EPB41L5: variants seen among roughly 807,000 people sequenced by gnomAD.
The protein encoded by EPB41L5 is erythrocyte membrane protein band 4.1 like 5, also known as band 4.1-like protein 5.
EPB41L5 carries 55 observed loss-of-function variants against 106.6 expected under a neutral mutation model. The ratio of observed to expected loss-of-function variants is 0.52; its 90% CI spans 0.42 to 0.65. The LOEUF (loss-of-function observed/expected upper bound fraction) is 0.65, where lower values mean the gene tolerates loss of function less well. Ranked by LOEUF, EPB41L5 falls within the 30% of genes least tolerant of loss-of-function variation. The probability of loss-of-function intolerance (pLI) is 0.00; values close to 1 mark genes in which losing one functional copy is unlikely to be tolerated. For missense variants in EPB41L5, 871 were observed against 882.1 expected, an observed-to-expected ratio of 0.99 and a Z score of 0.16; for synonymous variants, 297 against 306.7, an observed-to-expected ratio of 0.97 and a Z score of 0.33.
chr2:120,165,403 A>G (rs1687348997), intron 22 of EPB41L5, among the ~76,000 whole-genome samples: 1 of 152,216 alleles, frequency 6.6e-6, no homozygotes, highest in African/African-American at 2.4e-5. Context: ...GTTTGCATAT[A>G]ACCTACACAT....
chr2:120,077,838 GA>G (rs1682356355), intron 9 of EPB41L5, among the ~76,000 whole-genome samples: 1 of 152,156 alleles, frequency 6.6e-6, no homozygotes, highest in African/African-American at 2.4e-5. Context: ...AATTTATAAA[GA>G]GGTTCAATTG....
intron 24 of EPB41L5, among the ~76,000 whole-genome samples, chr2:120,169,653 C>A (rs936219203): frequency 6.6e-6 from 1 of 152,176 alleles, no homozygotes; most frequent in Non-Finnish European, 1.5e-5. Context: ...TCAGTCTTAA[C>A]TTTGTATGGC....
chr2:120,113,291 G>A (rs1684803012), intron 16 of EPB41L5, among the ~76,000 whole-genome samples: 1 of 152,194 alleles, frequency 6.6e-6, no homozygotes, highest in South Asian at 2.1e-4. Context: ...CAGGCTTTCA[G>A]AAAATGGGAG....
chr2:120,138,166 A>C (rs1397317211), intron 18 of EPB41L5, among the ~76,000 whole-genome samples: 1 of 151,944 alleles, frequency 6.6e-6, no homozygotes, highest in African/African-American at 2.4e-5. Flanking sequence ...TCCCTTTGTG[A>C]TTAAGAAAAA....
In EPB41L5 at chr2:120,091,676, T is replaced by C. The variant is rs1431059348; in HGVS notation, c.1150+15T>C. On this transcript the variant is annotated intron_variant, in intron 13 of 24. Coordinates refer to ENST00000263713, the MANE Select transcript of EPB41L5 (RefSeq NM_020909.4). ...ACAAATGAAAGGTGAAGTGCAACCC[T>C]CTTTCAAAGGATTATTTTTCCTTGG... 1 of 1,574,272 alleles carries C rather than the reference T, an allele frequency of 6.4e-7. No homozygotes were observed. The highest frequency in any genetic ancestry group is 1.7e-5 in the Admixed American group (1 of 58,236).
At chr2:120,106,997 C>CT (rs1047425017) in intron 16 of EPB41L5, 48,649 of 647,012 alleles carry the variant, frequency 0.075, 1 homozygote, top group Non-Finnish European at 0.085. Flanking sequence ...TTCAAATCAT[C>CT]TTTTTTTTTT....
In EPB41L5 at chr2:120,131,622, A is replaced by G; in HGVS notation, c.1506A>G (p.Leu502=). Residue 502 remains leucine, a synonymous_variant, in exon 18 of 25, where the codon TTA becomes TTG. Coordinates refer to ENST00000263713, the MANE Select transcript of EPB41L5 (RefSeq NM_020909.4). The stretch of plus-strand genomic sequence containing the variant: ...GCCTTTTTTTTTTCTTTTCAGCATT[A>G]AAAGACACCTCAGAGAAGCTCAAAC... The part of the protein sequence containing the change: ...LGEPEVEYET[L]KDTSEKLKQL... The G allele has an allele frequency of 1.9e-6, 3 of 1,611,886 alleles. No homozygotes were observed. Among genetic ancestry groups the G allele is most frequent in the Non-Finnish European group, 2.5e-6 (3 of 1,178,672 alleles).
At chr2:120,036,894 T>TCTCCTACTTTTGAGG (rs1272606487) in intron 2 of EPB41L5, among the ~76,000 whole-genome samples, 1 of 152,046 alleles carries the variant, frequency 6.6e-6, no homozygotes, top group East Asian at 1.9e-4. Context: ...AATTCAAAAG[T>TCTCCTACTTTTGAGG]AGGAGTTCCT....
intron 3 of EPB41L5, among the ~76,000 whole-genome samples, chr2:120,058,060 A>G (rs1680779684): frequency 1.3e-5 from 2 of 152,154 alleles, no homozygotes; most frequent in Non-Finnish European, 2.9e-5. Flanking sequence ...GAAGGGAAGC[A>G]GGTTGGTGTG....
chr2:120,110,537 C>T (rs1232925098), intron 16 of EPB41L5, among the ~76,000 whole-genome samples: 1 of 152,032 alleles, frequency 6.6e-6, no homozygotes, highest in Non-Finnish European at 1.5e-5. Context: ...ATAGGCATCT[C>T]ATTTTAAATA....
chr2:120,079,416 A>C (rs1218320742), intron 10 of EPB41L5, among the ~76,000 whole-genome samples: 1 of 152,112 alleles, frequency 6.6e-6, no homozygotes, highest in Non-Finnish European at 1.5e-5. Context: ...CAGATCCCTC[A>C]CACTTAACTG....
chr2:120,033,621 T>G (rs754789217), intron 2 of EPB41L5, among the ~76,000 whole-genome samples: 5 of 148,590 alleles, frequency 3.4e-5, no homozygotes, highest in African/African-American at 5.0e-5. Flanking sequence ...GCAAGATAAT[T>G]GCTTGAACCT....
chr2:120,140,038 A>G (rs1383060889), intron 18 of EPB41L5, among the ~76,000 whole-genome samples: 1 of 152,114 alleles, frequency 6.6e-6, no homozygotes, highest in Admixed American at 6.6e-5. Flanking sequence ...ACTGGAGGAC[A>G]CTATATTAAG....
chr2:120,087,199 A>G lies in EPB41L5; in HGVS notation c.832A>G (p.Lys278Glu), dbSNP rs933859289. 3.8e-6 allele frequency: 6 copies of G among 1,589,280 alleles called. No homozygotes were observed. In the African/African-American group the frequency reaches 4.0e-5, roughly 11 times the overall value. The change falls in exon 11 of 25, where the codon AAG becomes GAG. Residue 278 changes from lysine (K) to glutamate (E), a missense_variant. Lys to Glu is a moderately conservative substitution (Grantham distance 56). Transcript: ENST00000263713. ...GAAGATAACCAGATTGGATTTTAAG[A>G]AGAATAAATTAACCTTGGTGGTTGT... ...WPKITRLDFK[K>E]NKLTLVVVED...
In EPB41L5 at chr2:120,175,159, C is replaced by T. The variant is rs113486983; in HGVS notation, c.*252C>T. Reference sequence around the variant, plus strand: ...TACTTTTATAAATGTTACAAATTCCCGAAAGAAGGGAATTTCTTTTTCTGG... The same window carrying T: ...TACTTTTATAAATGTTACAAATTCCTGAAAGAAGGGAATTTCTTTTTCTGG... On this transcript the variant is annotated 3_prime_UTR_variant, in exon 25 of 25. Coordinates refer to ENST00000263713, the MANE Select transcript of EPB41L5 (RefSeq NM_020909.4). 23 of 451,274 alleles carry T rather than the reference C, an allele frequency of 5.1e-5. No individual in the cohort carries two copies. The highest frequency in any genetic ancestry group is 7.8e-5 in the African/African-American group (4 of 51,422). The allele number at this position is 451,274 out of a possible 1,614,324, so 28.0% of individuals were successfully genotyped here.
chr2:120,074,134 G>C lies in EPB41L5; in HGVS notation c.363G>C (p.Lys121Asn). The change falls in exon 5 of 25, where the codon AAG becomes AAC. Residue 121 changes from lysine to asparagine, a missense_variant. Coordinates refer to ENST00000263713, the MANE Select transcript of EPB41L5 (RefSeq NM_020909.4). ...CCTATTGTCTGCATCTTCGAGTTAA[G>C]TTTTATTCCTCAGAACCAAATAACC... is the stretch of plus-strand genomic sequence containing the variant. The part of the protein sequence containing the change: ...GSPYCLHLRV[K>N]FYSSEPNNLR... 1 of 1,611,830 alleles carries C rather than the reference G, an allele frequency of 6.2e-7. No individual in the cohort carries two copies. Among genetic ancestry groups the C allele is most frequent in the Non-Finnish European group, 8.5e-7 (1 of 1,179,062 alleles).
intron 16 of EPB41L5, among the ~76,000 whole-genome samples, chr2:120,109,638 TA>T (rs770587940): frequency 1.3e-5 from 2 of 152,220 alleles, no homozygotes; most frequent in Non-Finnish European, 2.9e-5. Flanking sequence ...CGTTTTGTTC[TA>T]CTGCATCGGT....
chr2:120,082,228 A>G lies in EPB41L5; in HGVS notation c.803+3647A>G, dbSNP rs145876044. Among the ~76,000 whole-genome samples, 1,306 of 152,268 alleles carry G rather than the reference A, an allele frequency of 8.6e-3. 12 individuals carry two copies. Among genetic ancestry groups the G allele is most frequent in the South Asian group, 0.027 (128 of 4,816 alleles). On this transcript the variant is annotated intron_variant, in intron 10 of 24. Coordinates refer to ENST00000263713, the MANE Select transcript of EPB41L5 (RefSeq NM_020909.4). ...CGCTTCCAGTTTTTGCCCTTTCAGT[A>G]TGATATTGGCTGTGGGTTTGTCATA...
At chr2:120,063,079 G>A (rs1033038934) in intron 3 of EPB41L5, among the ~76,000 whole-genome samples, 6 of 151,928 alleles carry the variant, frequency 3.9e-5, no homozygotes, top group Non-Finnish European at 7.4e-5. Context: ...GTGGCTCACA[G>A]CTGTAATCCT....
Sources: allele counts gnomAD v4.1 joint callset (sites outside exome capture counted in the v4.1 genomes callset), GRCh38; gene constraint gnomAD v4.1.1; transcripts MANE v1.5; gene names NCBI Gene and HGNC (gene_info 2026-07-23, HGNC 2026-07-21).